ERMAP: variants seen among roughly 807,000 people sequenced by gnomAD.
ERMAP encodes the protein erythroid membrane-associated protein.
Under a neutral mutation model 49.5 loss-of-function variants are expected in ERMAP, and 34 were observed. The observed-to-expected ratio is 0.69, with a 90% CI of 0.52 to 0.91. The LOEUF is 0.91. Among genes scored for constraint, ERMAP ranks in the 40% least tolerant of loss-of-function variants. The pLI is 0.00. For missense variants in ERMAP, 541 were observed against 582.6 expected (o/e 0.93, Z 0.74); for synonymous variants, 214 against 232.2 (o/e 0.92, Z 0.71).
rs145113385 is a variant in ERMAP at position 42,819,170 on chromosome 1, CGTGTGTGTGTGTGTGTGT to C, written c.-122+1937_-122+1954del. Among the ~76,000 whole-genome samples, 2 of 142,448 alleles carry C rather than the reference CGTGTGTGTGTGTGTGTGT, an allele frequency of 1.4e-5. No homozygotes were observed. Among genetic ancestry groups the C allele is most frequent in the South Asian group, 2.3e-4 (1 of 4,384 alleles). 93.5% of individuals were successfully genotyped at this position (142,448 alleles called of 152,430 possible). A position where few individuals can be genotyped will look rare whatever the true frequency, so the allele number is the denominator to read the frequency against. On this transcript the variant is annotated intron_variant, in intron 1 of 11. Coordinates refer to ENST00000372517, the MANE Select transcript of ERMAP (RefSeq NM_001017922.2). The surrounding 1 kb of genome is among the most constrained non-coding windows in gnomAD (Gnocchi z 5.1). ...GGTGAGGAAGAGGATAAGTTAGGAG[CGTGTGTGTGTGTGTGTGT>C]GTGTGTGTGTGTGTGTGTGCGCGCG...
chr1:42,817,329 G>C, intron 1 of ERMAP, 76 bp downstream of exon 1: 3 of 1,062,334 alleles, frequency 2.8e-6, no homozygotes, highest in South Asian at 3.1e-5. Flanking sequence ...GGGGCCGCGC[G>C]CCGGGGGGAG....
At position 42,843,270 on chromosome 1, in the gene ERMAP, C is replaced by A; in HGVS notation, c.*38C>A. On this transcript the variant is annotated 3_prime_UTR_variant, in exon 12 of 12. Transcript: ENST00000372517. ...TTACCTGCTCCCATCACCATCCAGC[C>A]CAGCACCCTGGACTTCAGTCGCCTG... 1 of 1,477,040 alleles carries A rather than the reference C, an allele frequency of 6.8e-7. No homozygotes were observed. Among genetic ancestry groups the A allele is most frequent in the South Asian group, 1.3e-5 (1 of 74,228 alleles). The allele number at this position is 1,477,040 out of a possible 1,614,324, so 91.5% of individuals were successfully genotyped here.
intron 5 of ERMAP, 149 bp from the exon 6 acceptor site, chr1:42,835,583 T>C (rs1654870568): frequency 2.0e-6 from 2 of 1,019,560 alleles, no homozygotes; most frequent in Non-Finnish European, 2.9e-6. Context: ...ATCTGATGGT[T>C]TGAAGACTCT....
At chr1:42,823,590 A>G (rs746436674) in intron 1 of ERMAP, among the ~76,000 whole-genome samples, 1 of 152,216 alleles carries the variant, frequency 6.6e-6, no homozygotes, top group Non-Finnish European at 1.5e-5. Flanking sequence ...AGTCTGAATA[A>G]TTATACTTTG....
Position 42,843,154 on chromosome 1 carries a change from A to G in ERMAP, c.1350A>G (p.Pro450=). ...CTTCTTTACTACCCCCGAAGGCCCCAGAGCTGAAGGATATAATCCTGTCCT... is the reference window on the plus strand; with the variant it reads ...CTTCTTTACTACCCCCGAAGGCCCCGGAGCTGAAGGATATAATCCTGTCCT... ...VNSSLLPPKA[P]ELKDIILSLP... The change falls in exon 12 of 12, where the codon CCA becomes CCG. Residue 450 remains proline (P), a synonymous_variant. Transcript: ENST00000372517. 1 of 1,614,156 alleles carries G rather than the reference A, an allele frequency of 6.2e-7. No homozygotes were observed. Among genetic ancestry groups the G allele is most frequent in the South Asian group, 1.1e-5 (1 of 91,078 alleles).
Position 42,843,339 on chromosome 1 carries a change from A to C in ERMAP, c.*107A>C. ...GGAACGTCTCTTCACCTTAACCCAA[A>C]TCCAGACCCTTTTGTGGTTTCTATT... is the stretch of plus-strand genomic sequence containing the variant. On this transcript the variant is annotated 3_prime_UTR_variant, in exon 12 of 12. Coordinates refer to ENST00000372517, the MANE Select transcript of ERMAP (RefSeq NM_001017922.2). 1.4e-6 allele frequency: 1 copy of C among 728,192 alleles called. No homozygotes were observed. Among genetic ancestry groups the C allele is most frequent in the Non-Finnish European group, 2.2e-6 (1 of 461,824 alleles). The allele number at this position is 728,192 out of a possible 1,614,324, so 45.1% of individuals were successfully genotyped here.
chr1:42,836,980 G>T, intron 6 of ERMAP, 178 bp from the exon 7 acceptor site: 1 of 607,232 alleles, frequency 1.6e-6, no homozygotes, highest in Non-Finnish European at 3.0e-6. Context: ...GACAGGATGT[G>T]GGAGACAATT....
chr1:42,830,637 C>T, intron 3 of ERMAP, 104 bp downstream of exon 3: 2 of 1,473,002 alleles, frequency 1.4e-6, no homozygotes, highest in South Asian at 1.2e-5. Context: ...GGTTCTGTTC[C>T]CCCGGCCCTG....
rs1654693025 is a variant in ERMAP, at chr1:42,830,613, A to G, written c.85+80A>G. The G allele has an allele frequency of 2.7e-5, 41 of 1,538,208 alleles. No individual in the cohort carries two copies. The East Asian group carries it at 8.5e-4, about 32-fold the overall frequency. ...AGAATAAGGAAGCTTGGCTGGAAAC[A>G]TTATGTCTTTTGGGGTTCTGTTCCC... On this transcript the variant is annotated intron_variant, in intron 3 of 11. Transcript: ENST00000372517.
In ERMAP at chr1:42,834,899, C is replaced by T. The variant is rs1323322053; in HGVS notation, c.434-139C>T. ...TCCAGGGCTTGAGTTATCAGAGAAGCAAAGAGCCTCTTGGCCGGAGCTCTC... is the reference window on the plus strand; with the variant it reads ...TCCAGGGCTTGAGTTATCAGAGAAGTAAAGAGCCTCTTGGCCGGAGCTCTC... On this transcript the variant is annotated intron_variant, in intron 4 of 11. Coordinates refer to ENST00000372517, the MANE Select transcript of ERMAP (RefSeq NM_001017922.2). The T allele has an allele frequency of 9.0e-6, 6 of 664,728 alleles. No individual in the cohort carries two copies. The East Asian group carries it at 1.5e-4, about 17-fold the overall frequency. 41.2% of individuals were successfully genotyped at this position (664,728 alleles called of 1,614,324 possible).
In ERMAP at chr1:42,835,060, C is replaced by T; in HGVS notation, c.456C>T (p.Ser152=). 1 of 1,510,000 alleles carries T rather than the reference C, an allele frequency of 6.6e-7. No homozygotes were observed. The highest frequency in any genetic ancestry group is 1.7e-4 in the Middle Eastern group (1 of 5,854). 93.5% of individuals were successfully genotyped at this position (1,510,000 alleles called of 1,614,324 possible). ...CAGCCCCATCTGTGGGGAGTCTCTC[C>T]CCCTCAGCAGTGGCTCTGGCTGTGA... ...QVAAPSVGSL[S]PSAVALAVIL... The change falls in exon 5 of 12, where the codon TCC becomes TCT. Residue 152 remains serine (S), a synonymous_variant. Coordinates refer to ENST00000372517, the MANE Select transcript of ERMAP (RefSeq NM_001017922.2).
At chr1:42,827,852 G>A (rs546660194) in intron 2 of ERMAP, among the ~76,000 whole-genome samples, 113 of 152,080 alleles carry the variant, frequency 7.4e-4, no homozygotes, top group African/African-American at 2.4e-3. Flanking sequence ...AAAGGATCCC[G>A]GCAATTCACT....
At chr1:42,827,162 TA>T (rs879432428) in intron 2 of ERMAP, among the ~76,000 whole-genome samples, 16 of 152,168 alleles carry the variant, frequency 1.1e-4, no homozygotes, top group Admixed American at 3.3e-4. Flanking sequence ...AAACAGTATA[TA>T]AAGTATTTAT....
chr1:42,835,005 C>T (rs1654850780), intron 4 of ERMAP, 33 bp from the exon 5 acceptor site: 1 of 875,472 alleles, frequency 1.1e-6, no homozygotes, highest in Non-Finnish European at 2.0e-6. Flanking sequence ...TAGACATCTC[C>T]CTGAGGTCAG....
chr1:42,825,603 T>C lies in ERMAP; in HGVS notation c.-121-20T>C, dbSNP rs1295446715. On this transcript the variant is annotated intron_variant, in intron 1 of 11. Transcript: ENST00000372517. The stretch of plus-strand genomic sequence containing the variant: ...CTCATATTTCATAAAATATGAACTT[T>C]TCCCGGCCCACATCCCTAGGCCTTC... 2 of 1,279,126 alleles carry C rather than the reference T, an allele frequency of 1.6e-6. No individual in the cohort carries two copies. Among genetic ancestry groups the C allele is most frequent in the African/African-American group, 3.1e-5 (2 of 65,298 alleles). The allele number at this position is 1,279,126 out of a possible 1,614,324, so 79.2% of individuals were successfully genotyped here. A position where few individuals can be genotyped will look rare whatever the true frequency, so the allele number is the denominator to read the frequency against.
Position 42,837,186 on chromosome 1 carries a change from A to G in ERMAP, c.612A>G (p.Glu204=), listed in dbSNP as rs1654926896. 22 of 1,613,928 alleles carry G rather than the reference A, an allele frequency of 1.4e-5. No homozygotes were observed. Among genetic ancestry groups the G allele is most frequent in the Non-Finnish European group, 1.9e-5 (22 of 1,179,788 alleles). The change falls in exon 7 of 12, where the codon GAA becomes GAG. Residue 204 remains glutamate, a synonymous_variant. Transcript: ENST00000372517. Reference sequence around the variant, plus strand: ...ATCTTCTTTCAGACCATGCTAAAGAAAAAGGTAATGATATAAAAGAGTAAG... The same window carrying G: ...ATCTTCTTTCAGACCATGCTAAAGAGAAAGGTAATGATATAAAAGAGTAAG... ...VDNLLSDHAK[E]KGKLHKAVKK...
At chr1:42,840,645 ACT>A (rs1208908855) in intron 11 of ERMAP, among the ~76,000 whole-genome samples, 1 of 149,290 alleles carries the variant, frequency 6.7e-6, no homozygotes, top group Admixed American at 6.7e-5. Context: ...ATTTGTGAAG[ACT>A]CTTTCTAGAT....
chr1:42,830,209 A>G (rs1347221103), intron 2 of ERMAP: 1 of 552,334 alleles, frequency 1.8e-6, no homozygotes, highest in South Asian at 2.1e-5. Context: ...AACCCTCACC[A>G]TAATCCCACA....
intron 2 of ERMAP, among the ~76,000 whole-genome samples, chr1:42,826,383 A>ATT (rs35807381): frequency 6.6e-6 from 1 of 151,724 alleles, no homozygotes; most frequent in Non-Finnish European, 1.5e-5. Context: ...AAATTGGCAA[A>ATT]TTTTTTTTTA....
Sources: allele counts gnomAD v4.1 joint callset (sites outside exome capture counted in the v4.1 genomes callset), GRCh38; gene constraint gnomAD v4.1.1; non-coding constraint Gnocchi (gnomAD v3.1); transcripts MANE v1.5; gene names NCBI Gene and HGNC (gene_info 2026-07-23, HGNC 2026-07-21).